The following PALS1 variants were observed in gnomAD, a reference collection of about 807,000 sequenced individuals.
PALS1 encodes protein PALS1.
A neutral mutation model predicts 78.9 loss-of-function variants in PALS1; 31 were observed. The ratio of observed to expected loss-of-function variants is 0.39; its 90% CI spans 0.30 to 0.53. The LOEUF (loss-of-function observed/expected upper bound fraction) is 0.53, where lower values mean the gene tolerates loss of function less well. Ranked by LOEUF, PALS1 falls within the 20% of genes least tolerant of loss-of-function variation. The probability of loss-of-function intolerance (pLI) is 0.67; values close to 1 mark genes in which losing one functional copy is unlikely to be tolerated. For missense variants in PALS1, 704 were observed against 826.5 expected, an observed-to-expected ratio of 0.85 and a Z score of 1.82; for synonymous variants, 276 against 270.9, an observed-to-expected ratio of 1.02 and a Z score of -0.18.
At chr14:67,270,003 GTTTA>G (rs1422074328) in intron 2 of PALS1, 1 of 152,198 alleles carries the variant, frequency 6.6e-6, no homozygotes, top group Non-Finnish European at 1.5e-5. Context: ...GACTGAACAT[GTTTA>G]TGCGTATGAA....
chr14:67,251,929 G>T (rs1009014833), intron 1 of PALS1, among the ~76,000 whole-genome samples: 6 of 152,190 alleles, frequency 3.9e-5, no homozygotes, highest in Non-Finnish European at 8.8e-5. Context: ...CCAATGGCCA[G>T]TAATTTAATC....
In PALS1 at chr14:67,334,299, G is replaced by A. The variant is rs1006562914; in HGVS notation, c.*1343G>A. 6 of 152,558 alleles carry A rather than the reference G, an allele frequency of 3.9e-5. No individual in the cohort carries two copies. Among genetic ancestry groups the A allele is most frequent in the South Asian group, 2.1e-4 (1 of 4,828 alleles). The allele number at this position is 152,558 out of a possible 1,614,324, so 9.5% of individuals were successfully genotyped here. ...TATAGCTGTAGCTTTAAAATTCAAC[G>A]TATATAATTGGCATGGAAACTTAAT... On this transcript the variant is annotated 3_prime_UTR_variant, in exon 15 of 15. Coordinates refer to ENST00000261681, the MANE Select transcript of PALS1 (RefSeq NM_022474.4).
intron 4 of PALS1, among the ~76,000 whole-genome samples, chr14:67,295,335 C>G (rs1377255290): frequency 6.6e-6 from 1 of 151,162 alleles, no homozygotes; most frequent in Non-Finnish European, 1.5e-5. Flanking sequence ...AAAAAAAATA[C>G]AAAAATTAGC....
At chr14:67,312,855 C>G (rs2085114223) in intron 9 of PALS1, 145 bp downstream of exon 9, 1 of 594,356 alleles carries the variant, frequency 1.7e-6, no homozygotes, top group Non-Finnish European at 2.7e-6. Flanking sequence ...TTATGTTGTA[C>G]CTGCAGCGTA....
intron 14 of PALS1, among the ~76,000 whole-genome samples, chr14:67,331,314 A>C (rs1595625603): frequency 6.6e-6 from 1 of 152,130 alleles, no homozygotes; most frequent in South Asian, 2.1e-4. Context: ...CAAAGTGCTG[A>C]GATTACAGGC....
rs189018933 is a variant in PALS1 at position 67,303,679 on chromosome 14, G to A, written c.1041+80G>A. 4.1e-6 allele frequency: 4 copies of A among 975,932 alleles called. No individual in the cohort carries two copies. The African/African-American group carries it at 6.6e-5, about 16-fold the overall frequency. 60.5% of individuals were successfully genotyped at this position (975,932 alleles called of 1,614,324 possible). On this transcript the variant is annotated intron_variant, in intron 8 of 14. Coordinates refer to ENST00000261681, the MANE Select transcript of PALS1 (RefSeq NM_022474.4). Reference sequence around the variant, plus strand: ...TGTTACTGTTTACTGTTACAGAAATGTCACTGTTTCCTGTACTCAAATAAA... The same window carrying A: ...TGTTACTGTTTACTGTTACAGAAATATCACTGTTTCCTGTACTCAAATAAA...
intron 1 of PALS1, among the ~76,000 whole-genome samples, chr14:67,243,642 G>A (rs1269138205): frequency 2.0e-5 from 3 of 151,534 alleles, no homozygotes; most frequent in South Asian, 2.1e-4. Context: ...ACAGGTGCCC[G>A]CCACCACGCC....
At chr14:67,305,266 T>A (rs2084984772) in intron 8 of PALS1, among the ~76,000 whole-genome samples, 1 of 152,140 alleles carries the variant, frequency 6.6e-6, no homozygotes, top group African/African-American at 2.4e-5. Context: ...CTTTTGAGAA[T>A]AAATGTCAGA....
intron 1 of PALS1, among the ~76,000 whole-genome samples, chr14:67,246,951 A>G (rs772776622): frequency 6.6e-5 from 10 of 152,152 alleles, no homozygotes; most frequent in Non-Finnish European, 1.2e-4. Context: ...CACCCAGCCT[A>G]CTATAGCTTT....
Position 67,302,444 on chromosome 14 carries a change from T to C in PALS1, c.836T>C (p.Ile279Thr), listed in dbSNP as rs759254382. ...ATVRNEMDSV[I>T]ISRIVKGGAA... ...GTTCGTAATGAAATGGACTCTGTCA[T>C]CATTAGCCGGATAGTAAAAGGGGGT... The change falls in exon 7 of 15, where the codon ATC (isoleucine) becomes ACC (threonine). Residue 279 changes from isoleucine (I) to threonine (T), a missense_variant. Physicochemically the swap from Ile to Thr is moderately conservative, Grantham distance 89 (BLOSUM62 -1). Coordinates refer to ENST00000261681, the MANE Select transcript of PALS1 (RefSeq NM_022474.4). The C allele has an allele frequency of 6.3e-7, 1 of 1,598,836 alleles. No homozygotes were observed.
intron 1 of PALS1, among the ~76,000 whole-genome samples, chr14:67,253,995 C>G (rs1464406266): frequency 7.8e-6 from 1 of 128,950 alleles, no homozygotes; most frequent in Non-Finnish European, 1.5e-5. Flanking sequence ...TAATGGATGT[C>G]TTTCATGTCT....
intron 4 of PALS1, among the ~76,000 whole-genome samples, chr14:67,297,160 A>G (rs1282066003): frequency 6.6e-6 from 1 of 152,248 alleles, no homozygotes; most frequent in African/African-American, 2.4e-5. Context: ...ATGGTGAAAC[A>G]CCCACACATT....
chr14:67,322,130 G>A (rs1046272947), intron 13 of PALS1, among the ~76,000 whole-genome samples: 7 of 152,080 alleles, frequency 4.6e-5, no homozygotes, highest in Non-Finnish European at 8.8e-5. Context: ...TGGATCACTT[G>A]AGTTCAGGAG....
At chr14:67,316,309 G>T (rs1595610990) in intron 9 of PALS1, among the ~76,000 whole-genome samples, 1 of 152,084 alleles carries the variant, frequency 6.6e-6, no homozygotes, top group South Asian at 2.1e-4. Context: ...TAACTTAAGG[G>T]TGGAAATAAA....
chr14:67,315,197 T>C (rs544379357), intron 9 of PALS1, among the ~76,000 whole-genome samples: 1 of 152,290 alleles, frequency 6.6e-6, no homozygotes, highest in South Asian at 2.1e-4. Flanking sequence ...TTGTAATGTT[T>C]TACATTTTTA....
Position 67,301,902 on chromosome 14 carries a change from T to C in PALS1, c.655-70T>C, listed in dbSNP as rs1703222666. 10 of 1,477,632 alleles carry C rather than the reference T, an allele frequency of 6.8e-6. No individual in the cohort carries two copies. In the East Asian group the frequency reaches 1.2e-4, roughly 17 times the overall value. The allele number at this position is 1,477,632 out of a possible 1,614,324, so 91.5% of individuals were successfully genotyped here. On this transcript the variant is annotated intron_variant, in intron 5 of 14. Transcript: ENST00000261681. ...TTTAATGGTCAGAATACTATGTACATAGGTTAAAAATCACTCTGCAGAAAT... is the reference window on the plus strand; with the variant it reads ...TTTAATGGTCAGAATACTATGTACACAGGTTAAAAATCACTCTGCAGAAAT...
At chr14:67,266,410 C>T (rs780348583) in intron 1 of PALS1, among the ~76,000 whole-genome samples, 2 of 152,146 alleles carry the variant, frequency 1.3e-5, no homozygotes, top group Admixed American at 6.5e-5. Context: ...ACTGCAGCCT[C>T]TGCCTCCTGG....
At chr14:67,288,119 G>A (rs1458116989) in intron 3 of PALS1, among the ~76,000 whole-genome samples, 9 of 151,754 alleles carry the variant, frequency 5.9e-5, no homozygotes, top group Admixed American at 2.6e-4. Context: ...TCACTCTGTC[G>A]CCCAGGCTGG....
Position 67,312,673 on chromosome 14 carries a change from G to T in PALS1, c.1188G>T (p.Gly396=). The part of the protein sequence containing the change: ...DPNWWQAYRE[G]DEDNQPLAGL... The stretch of plus-strand genomic sequence containing the variant: ...ACTGGTGGCAGGCCTACAGGGAAGG[G>T]GACGAAGATAATCAACCTCTAGCCG... Residue 396 remains glycine, a synonymous_variant, in exon 9 of 15, where the codon GGG becomes GGT. Coordinates refer to ENST00000261681, the MANE Select transcript of PALS1 (RefSeq NM_022474.4). 1 of 1,611,722 alleles carries T rather than the reference G, an allele frequency of 6.2e-7. No individual in the cohort carries two copies. Among genetic ancestry groups the T allele is most frequent in the Non-Finnish European group, 8.5e-7 (1 of 1,178,742 alleles).
Sources: allele counts gnomAD v4.1 joint callset (sites outside exome capture counted in the v4.1 genomes callset), GRCh38; gene constraint gnomAD v4.1.1; transcripts MANE v1.5; gene names NCBI Gene and HGNC (gene_info 2026-07-23, HGNC 2026-07-21).